HMCN1: variants seen among roughly 807,000 people sequenced by gnomAD.
HMCN1 encodes the protein hemicentin-1.
Under a neutral mutation model 625.9 loss-of-function variants are expected in HMCN1, and 321 were observed. That is an observed-to-expected ratio of 0.51 (90% CI 0.47 to 0.56). The LOEUF (loss-of-function observed/expected upper bound fraction) is 0.56, where lower values mean the gene tolerates loss of function less well. HMCN1 is among the 20% of genes least tolerant of loss of function. The pLI is 0.00. For synonymous variants in HMCN1, 2,425 were observed against 2,417.6 expected, an observed-to-expected ratio of 1.00 and a Z score of -0.09; for missense variants, 6,588 against 6,887.3, an observed-to-expected ratio of 0.96 and a Z score of 1.54.
chr1:186,065,852 G>C (rs1658076537), intron 49 of HMCN1, among the ~76,000 whole-genome samples: 1 of 152,124 alleles, frequency 6.6e-6, no homozygotes, highest in Non-Finnish European at 1.5e-5. Flanking sequence ...GGTATGTTCA[G>C]TTCTGGCTTA....
chr1:185,865,758 T>C lies in HMCN1; in HGVS notation c.516T>C (p.Thr172=). The change falls in exon 4 of 107, where the codon ACT becomes ACC. Residue 172 remains threonine (T), a synonymous_variant. Transcript: ENST00000271588. ...QKQSQVVFVL[T]GDCDDRTHIG... is the part of the protein sequence containing the mutation. ...AATCATAGGTCGTATTTGTTCTGAC[T>C]GGAGATTGTGATGACAGGACCCATA... The C allele has an allele frequency of 6.2e-7, 1 of 1,610,706 alleles. No homozygotes were observed.
chr1:186,120,307 G>A (rs781285180), intron 80 of HMCN1, among the ~76,000 whole-genome samples, 162 bp downstream of exon 80: 1 of 152,174 alleles, frequency 6.6e-6, no homozygotes, highest in Non-Finnish European at 1.5e-5. Context: ...TATGAAGAAA[G>A]TTTAATGTAT....
intron 69 of HMCN1, among the ~76,000 whole-genome samples, chr1:186,106,616 A>G (rs1008701099): frequency 6.6e-6 from 1 of 152,202 alleles, no homozygotes; most frequent in Non-Finnish European, 1.5e-5. Context: ...TAGGTCCTAT[A>G]TATATCTGCC....
At chr1:186,151,945 T>A (rs1390591696) in intron 95 of HMCN1, among the ~76,000 whole-genome samples, 2 of 152,224 alleles carry the variant, frequency 1.3e-5, no homozygotes, top group Non-Finnish European at 2.9e-5. Context: ...AAGCAGTCAT[T>A]TTATACCCTA....
intron 49 of HMCN1, among the ~76,000 whole-genome samples, chr1:186,065,715 G>A (rs1658067281): frequency 6.6e-6 from 1 of 152,134 alleles, no homozygotes; most frequent in South Asian, 2.1e-4. Context: ...TCAAAGAGAA[G>A]CAGGTAAAGA....
chr1:185,824,070 G>A (rs1205609742), intron 1 of HMCN1, among the ~76,000 whole-genome samples: 1 of 152,080 alleles, frequency 6.6e-6, no homozygotes, highest in Non-Finnish European at 1.5e-5. Context: ...TGTGCTTACT[G>A]TGAGACTTAG....
At chr1:186,173,457 A>G (rs369606289) in intron 102 of HMCN1, among the ~76,000 whole-genome samples, 1 of 152,076 alleles carries the variant, frequency 6.6e-6, no homozygotes, top group East Asian at 1.9e-4. Context: ...CCTGGCCAGC[A>G]TGGTGGAACC....
intron 40 of HMCN1, 32 bp downstream of exon 40, chr1:186,041,168 G>A (rs1205393422): frequency 6.3e-6 from 10 of 1,593,816 alleles, no homozygotes; most frequent in Non-Finnish European, 8.6e-6. Flanking sequence ...TTCTCTTCTG[G>A]TAGAGATATG....
At chr1:185,977,756 T>A (rs760565690) in intron 15 of HMCN1, 31 bp from the exon 16 acceptor site, 1 of 1,380,838 alleles carries the variant, frequency 7.2e-7, no homozygotes, top group South Asian at 1.2e-5. Flanking sequence ...AATATACCGA[T>A]GACTTATTTG....
chr1:185,929,847 T>G (rs1362026821), intron 10 of HMCN1, among the ~76,000 whole-genome samples: 1 of 152,174 alleles, frequency 6.6e-6, no homozygotes, highest in Non-Finnish European at 1.5e-5. Flanking sequence ...TTGACATACA[T>G]CACAAACTAT....
chr1:186,007,357 C>T, intron 30 of HMCN1, 75 bp downstream of exon 30: 1 of 1,317,440 alleles, frequency 7.6e-7, no homozygotes, highest in Non-Finnish European at 1.1e-6. Context: ...CTGGTAACTA[C>T]ACTCTTATTT....
In HMCN1 at chr1:185,993,284, T is replaced by C; in HGVS notation, c.3480T>C (p.Thr1160=). The C allele has an allele frequency of 6.2e-7, 1 of 1,613,084 alleles. No homozygotes were observed. The highest frequency in any genetic ancestry group is 8.5e-7 in the Non-Finnish European group (1 of 1,179,190). Residue 1160 remains threonine, a synonymous_variant, in exon 23 of 107, where the codon ACT becomes ACC. Transcript: ENST00000271588. Reference sequence around the variant, plus strand: ...CCACAAATATTGCTGGGAATGTGACTCAGGCTGTCAAATTAAATGTCCATG... The same window carrying C: ...CCACAAATATTGCTGGGAATGTGACCCAGGCTGTCAAATTAAATGTCCATG... ...CVATNIAGNV[T]QAVKLNVHVP...
Position 186,005,244 on chromosome 1 carries a change from C to CAAATTTTTAATTGTTTATAAAT in HMCN1, c.4475+1400_4475+1401insAAATTTTTAATTGTTTATAAAT, listed in dbSNP as rs1653504194. 6.8e-5 allele frequency among the ~76,000 whole-genome samples: 5 copies of CAAATTTTTAATTGTTTATAAAT among 73,036 alleles called. 1 individual carries two copies. Among genetic ancestry groups the CAAATTTTTAATTGTTTATAAAT allele is most frequent in the African/African-American group, 2.9e-4 (5 of 17,064 alleles). The allele number at this position is 73,036 out of a possible 152,430, so 47.9% of individuals were successfully genotyped here. ...AAACAATTTTTTAATTGTTTATAAA[C>CAAATTTTTAATTGTTTATAAAT]GTTTATAAACAAATTTTTAATTGTT... On this transcript the variant is annotated intron_variant, in intron 29 of 106. Transcript: ENST00000271588.
chr1:185,974,446 G>C (rs1194646764), intron 15 of HMCN1, among the ~76,000 whole-genome samples: 1 of 152,078 alleles, frequency 6.6e-6, no homozygotes, highest in Admixed American at 6.6e-5. Context: ...AACTGGAGGA[G>C]GTAAAATAAT....
At chr1:185,938,019 G>T (rs997774763) in intron 11 of HMCN1, among the ~76,000 whole-genome samples, 1 of 151,552 alleles carries the variant, frequency 6.6e-6, no homozygotes, top group Non-Finnish European at 1.5e-5. Flanking sequence ...CTAAAGAGGA[G>T]AATTTATACT....
chr1:185,797,394 C>T (rs7544533), intron 1 of HMCN1, among the ~76,000 whole-genome samples: 51,381 of 152,066 alleles, frequency 0.34, 10,147 homozygotes, highest in African/African-American at 0.54. Context: ...AACCTCAAAC[C>T]TCTAGGCTTA....
intron 9 of HMCN1, 126 bp downstream of exon 9, chr1:185,925,317 A>G: frequency 1.1e-6 from 1 of 893,440 alleles, no homozygotes; most frequent in Non-Finnish European, 1.8e-6. Flanking sequence ...TATAGCAGTG[A>G]ACAAAATGGA....
intron 4 of HMCN1, among the ~76,000 whole-genome samples, chr1:185,906,683 T>C (rs1666112020): frequency 6.6e-6 from 1 of 151,934 alleles, no homozygotes; most frequent in African/African-American, 2.4e-5. Context: ...CTTCCATCTT[T>C]ATTAATGCCA....
Position 185,864,549 on chromosome 1 carries a change from A to ATGTTTTCAC in HMCN1, c.422_430dup (p.Val141_Thr143dup). On this transcript the variant is annotated inframe_insertion, in exon 3 of 107. Transcript: ENST00000271588. Reference sequence around the variant, plus strand: ...ATTTCTCTTCCTGGTTCTTTCATCTATGTTTTCACTGATGCTCGGTCCAAA... The same window carrying ATGTTTTCAC: ...ATTTCTCTTCCTGGTTCTTTCATCTATGTTTTCACTGTTTTCACTGATGCTCGGTCCAAA... 6.2e-7 allele frequency: 1 copy of ATGTTTTCAC among 1,613,914 alleles called. No individual in the cohort carries two copies. Among genetic ancestry groups the ATGTTTTCAC allele is most frequent in the Non-Finnish European group, 8.5e-7 (1 of 1,179,886 alleles).
Sources: allele counts gnomAD v4.1 joint callset (sites outside exome capture counted in the v4.1 genomes callset), GRCh38; gene constraint gnomAD v4.1.1; transcripts MANE v1.5; gene names NCBI Gene and HGNC (gene_info 2026-07-23, HGNC 2026-07-21).